SEMA3A: variants seen among roughly 807,000 people sequenced by gnomAD.
SEMA3A encodes the protein semaphorin-3A.
Under a neutral mutation model 97.9 loss-of-function variants are expected in SEMA3A, and 29 were observed. The observed-to-expected ratio is 0.30, with a 90% confidence interval of 0.22 to 0.40. The LOEUF (loss-of-function observed/expected upper bound fraction) is 0.40, where lower values mean the gene tolerates loss of function less well. Among genes scored for constraint, SEMA3A ranks in the 10% least tolerant of loss-of-function variants. The pLI, the probability that SEMA3A is intolerant of heterozygous loss-of-function variation, is 1.00. For missense variants in SEMA3A, 763 were observed against 951.3 expected, an observed-to-expected ratio of 0.80 and a Z score of 2.60; for synonymous variants, 321 against 323.7, an observed-to-expected ratio of 0.99 and a Z score of 0.09.
intron 6 of SEMA3A, among the ~76,000 whole-genome samples, chr7:84,019,335 A>C (rs564850177): frequency 1.3e-5 from 2 of 151,982 alleles, no homozygotes; most frequent in East Asian, 3.9e-4. Context: ...ACTAGAGTTG[A>C]AGTTATTTGA....
chr7:83,993,503 C>A (rs1790057915), intron 12 of SEMA3A, among the ~76,000 whole-genome samples: 1 of 150,922 alleles, frequency 6.6e-6, no homozygotes, highest in Admixed American at 6.6e-5. Context: ...TCTTTTAGGG[C>A]AGGCCTGGTG....
At chr7:84,413,612 G>A (rs924052882) in intron 1 of SEMA3A, among the ~76,000 whole-genome samples, 1 of 151,762 alleles carries the variant, frequency 6.6e-6, no homozygotes, top group Admixed American at 6.6e-5. Context: ...TGGGTGACAG[G>A]GTGTCAGAGT....
At chr7:84,492,179 A>C (rs1806750757) in intron 1 of SEMA3A, among the ~76,000 whole-genome samples, 1 of 152,142 alleles carries the variant, frequency 6.6e-6, no homozygotes, top group South Asian at 2.1e-4. Flanking sequence ...TTTCACCCAG[A>C]AGTAGCAGTT....
At chr7:84,323,801 A>T (rs996304049) in intron 2 of SEMA3A, among the ~76,000 whole-genome samples, 1 of 152,168 alleles carries the variant, frequency 6.6e-6, no homozygotes, top group Non-Finnish European at 1.5e-5. Flanking sequence ...TTTATTTTTT[A>T]ATTTAGAATT....
At chr7:83,999,505 T>G (rs1457340510) in intron 12 of SEMA3A, among the ~76,000 whole-genome samples, 4 of 152,112 alleles carry the variant, frequency 2.6e-5, no homozygotes, top group Non-Finnish European at 4.4e-5. Context: ...GTAATTGTAT[T>G]AATAGGTAGA....
chr7:84,330,827 G>GA (rs919249128), intron 2 of SEMA3A, among the ~76,000 whole-genome samples: 5 of 152,042 alleles, frequency 3.3e-5, no homozygotes, highest in Admixed American at 3.3e-4. Context: ...TCTGAGATAA[G>GA]AATGGTTTGG....
At chr7:84,485,358 ACATGTTAATATTTTATGTATTTT>A in intron 1 of SEMA3A, among the ~76,000 whole-genome samples, 1 of 150,672 alleles carries the variant, frequency 6.6e-6, no homozygotes, top group East Asian at 2.0e-4. Flanking sequence ...ACATGAAAAT[ACATGTTAATATTTTATGTATTTT>A]TTTTTTTTTG....
At chr7:84,257,017 C>T (rs1266946147) in intron 3 of SEMA3A, among the ~76,000 whole-genome samples, 1 of 151,908 alleles carries the variant, frequency 6.6e-6, no homozygotes, top group Non-Finnish European at 1.5e-5. Flanking sequence ...CAGACATAGA[C>T]AGCTTCGATG....
chr7:84,436,870 C>T (rs1314941410), intron 1 of SEMA3A, among the ~76,000 whole-genome samples: 1 of 152,014 alleles, frequency 6.6e-6, no homozygotes, highest in Non-Finnish European at 1.5e-5. Flanking sequence ...TCCTATGTTT[C>T]CTGAAGGTGT....
intron 1 of SEMA3A, among the ~76,000 whole-genome samples, chr7:84,393,070 T>C (rs1295181372): frequency 6.6e-6 from 1 of 152,190 alleles, no homozygotes; most frequent in Non-Finnish European, 1.5e-5. Context: ...TTGTCTATTT[T>C]TGCTTTTGTT....
chr7:84,172,501 A>G (rs927110103), intron 1 of SEMA3A, among the ~76,000 whole-genome samples: 1 of 151,996 alleles, frequency 6.6e-6, no homozygotes, highest in African/African-American at 2.4e-5. Context: ...GGTTCACTTC[A>G]AGCTCCGCCT....
intron 1 of SEMA3A, among the ~76,000 whole-genome samples, chr7:84,440,468 CATT>C (rs1360014123): frequency 1.3e-5 from 2 of 152,166 alleles, no homozygotes; most frequent in Non-Finnish European, 2.9e-5. Flanking sequence ...GAGGTACAGA[CATT>C]GTTGTGAGCT....
chr7:84,019,529 G>T (rs201612664), intron 6 of SEMA3A, among the ~76,000 whole-genome samples: 1 of 74,756 alleles, frequency 1.3e-5, no homozygotes, highest in Non-Finnish European at 2.4e-5. Flanking sequence ...TTTTAATGAC[G>T]TGTCTTTAAA....
intron 4 of SEMA3A, among the ~76,000 whole-genome samples, chr7:84,063,406 A>T (rs540319393): frequency 5.9e-5 from 9 of 151,508 alleles, no homozygotes; most frequent in Non-Finnish European, 8.8e-5. Flanking sequence ...GCAACGGAAC[A>T]AAGCTGGATG....
Position 84,058,518 on chromosome 7 carries a change from AAC to A in SEMA3A, c.547+1945_547+1946del, listed in dbSNP as rs371153776. Among the ~76,000 whole-genome samples the A allele has an allele frequency of 9.4e-4, 143 of 152,314 alleles. 2 individuals are homozygous for A. Among genetic ancestry groups the A allele is most frequent in the African/African-American group, 3.3e-3 (138 of 41,572 alleles). The stretch of plus-strand genomic sequence containing the variant: ...AGTTATAAAGAAAGCAAATAACTTC[AAC>A]ACAGAGAGTTTCAGCTCTTGAATTA... On this transcript the variant is annotated intron_variant, in intron 5 of 16. Transcript: ENST00000265362.
In SEMA3A at chr7:84,060,449, A is replaced by G. The variant is rs1793169503; in HGVS notation, c.547+16T>C. 1 of 1,497,862 alleles carries G rather than the reference A, an allele frequency of 6.7e-7. No individual in the cohort carries two copies. The highest frequency in any genetic ancestry group is 9.0e-7 in the Non-Finnish European group (1 of 1,105,846). 92.8% of individuals were successfully genotyped at this position (1,497,862 alleles called of 1,614,324 possible). On this transcript the variant is annotated intron_variant, in intron 5 of 16. Transcript: ENST00000265362. ...TTATAGAAAACTCACTATTTAATTG[A>G]TTGTTGACTACGCACCTATTAAAAG...
chr7:84,264,524 A>T (rs551985365), intron 3 of SEMA3A, among the ~76,000 whole-genome samples: 11 of 152,328 alleles, frequency 7.2e-5, no homozygotes, highest in Middle Eastern at 6.8e-3. Flanking sequence ...TATTTTCATT[A>T]GCTTTCTAAC....
chr7:84,088,288 T>G, intron 4 of SEMA3A, among the ~76,000 whole-genome samples: 1 of 152,162 alleles, frequency 6.6e-6, no homozygotes, highest in East Asian at 1.9e-4. Context: ...ACCCCGTCTC[T>G]ACTAAAAATA....
intron 6 of SEMA3A, among the ~76,000 whole-genome samples, chr7:84,039,968 G>C (rs373705377): frequency 6.6e-6 from 1 of 151,860 alleles, no homozygotes; most frequent in African/African-American, 2.4e-5. Flanking sequence ...TAGGGCATCT[G>C]AGAATTATAT....
Sources: gnomAD v4.1 joint callset for allele counts (sites outside exome capture counted in the v4.1 genomes callset) on GRCh38, gnomAD v4.1.1 for gene constraint, MANE v1.5 for transcripts, NCBI Gene and HGNC (gene_info 2026-07-23, HGNC 2026-07-21) for gene names.